The following TSGA10 variants were observed in gnomAD, a reference collection of about 807,000 sequenced individuals.
TSGA10 encodes testis-specific gene 10 protein.
Under a neutral mutation model 96.6 loss-of-function variants are expected in TSGA10, and 43 were observed. The observed-to-expected ratio is 0.44, with a 90% CI of 0.35 to 0.57. The LOEUF is 0.57. Among genes scored for constraint, TSGA10 ranks in the 20% least tolerant of loss-of-function variants. The probability of loss-of-function intolerance (pLI) is 0.01; values close to 1 mark genes in which losing one functional copy is unlikely to be tolerated. For synonymous variants in TSGA10, 229 were observed against 269.9 expected (o/e 0.85, Z 1.48); for missense variants, 703 against 834.4 (o/e 0.84, Z 1.94).
chr2:99,004,474 C>T (rs2078279931), intron 20 of TSGA10, among the ~76,000 whole-genome samples: 1 of 151,714 alleles, frequency 6.6e-6, no homozygotes, highest in Non-Finnish European at 1.5e-5. Context: ...CCACCGATCT[C>T]ACAGAAATAC....
chr2:99,089,807 G>A (rs934091713), intron 10 of TSGA10, among the ~76,000 whole-genome samples: 8 of 152,082 alleles, frequency 5.3e-5, no homozygotes, highest in African/African-American at 1.9e-4. Flanking sequence ...CCCCACCTGA[G>A]GGTCTTCCTC....
At chr2:99,102,678 A>G (rs1276710247) in intron 10 of TSGA10, 10 of 1,613,742 alleles carry the variant, frequency 6.2e-6, no homozygotes, top group Non-Finnish European at 8.5e-6. Context: ...GTTCAGAAAT[A>G]AGGTTAGTCA....
chr2:99,074,953 CAA>C (rs747521749), intron 12 of TSGA10, among the ~76,000 whole-genome samples: 6 of 110,952 alleles, frequency 5.4e-5, no homozygotes, highest in Admixed American at 9.4e-5. Context: ...GACTCCGTCT[CAA>C]AAAAAAAAAA....
chr2:99,071,593 G>T, intron 14 of TSGA10, 113 bp downstream of exon 14: 1 of 956,010 alleles, frequency 1.0e-6, no homozygotes, highest in South Asian at 2.1e-5. Context: ...TTAAAAAAAA[G>T]AAAAGGCTAG....
chr2:99,044,581 GTGGGAGATTTTA>G (rs2082546260), intron 16 of TSGA10, among the ~76,000 whole-genome samples: 1 of 152,032 alleles, frequency 6.6e-6, no homozygotes, highest in African/African-American at 2.4e-5. Flanking sequence ...CACAATAATA[GTGGGAGATTTTA>G]ACACCCCAAT....
intron 16 of TSGA10, among the ~76,000 whole-genome samples, chr2:99,054,872 T>C (rs2083796807): frequency 6.6e-6 from 1 of 152,180 alleles, no homozygotes; most frequent in Non-Finnish European, 1.5e-5. Flanking sequence ...GGTGAGGATA[T>C]GGAGAAAAGG....
At chr2:99,111,150 T>C (rs559802397) in intron 4 of TSGA10, among the ~76,000 whole-genome samples, 1 of 152,278 alleles carries the variant, frequency 6.6e-6, no homozygotes, top group South Asian at 2.1e-4. Context: ...TGTTAATTGA[T>C]TGTATTTTAC....
At chr2:99,074,491 G>C (rs924021239) in intron 12 of TSGA10, among the ~76,000 whole-genome samples, 1 of 138,880 alleles carries the variant, frequency 7.2e-6, no homozygotes, top group African/African-American at 3.1e-5. Flanking sequence ...ATACTGGTGT[G>C]TTGTTAAAAT....
chr2:99,050,330 A>G (rs979712106), intron 16 of TSGA10, among the ~76,000 whole-genome samples: 13 of 152,222 alleles, frequency 8.5e-5, no homozygotes, highest in Non-Finnish European at 1.9e-4. Context: ...CTTCTTGAGC[A>G]CTGACATGAC....
At chr2:99,121,578 C>G (rs1307471865) in intron 2 of TSGA10, among the ~76,000 whole-genome samples, 1 of 121,154 alleles carries the variant, frequency 8.3e-6, no homozygotes, top group Non-Finnish European at 1.8e-5. Flanking sequence ...TTCAAGTGAT[C>G]CTCCCACCTC....
chr2:99,013,072 G>T (rs868656135), intron 20 of TSGA10, among the ~76,000 whole-genome samples: 1 of 151,920 alleles, frequency 6.6e-6, no homozygotes, highest in South Asian at 2.1e-4. Context: ...CTGGGTTTAG[G>T]TTTGGTTTGT....
chr2:99,056,153 C>G (rs778616095), intron 16 of TSGA10, among the ~76,000 whole-genome samples: 8 of 151,392 alleles, frequency 5.3e-5, no homozygotes, highest in Non-Finnish European at 7.4e-5. Context: ...TGCAGTGAGC[C>G]GAGATCACGC....
chr2:99,017,044 A>G (rs973218427), intron 20 of TSGA10, among the ~76,000 whole-genome samples: 4 of 152,220 alleles, frequency 2.6e-5, no homozygotes, highest in Non-Finnish European at 5.9e-5. Flanking sequence ...GTTTTCATTT[A>G]CACTGCTGGT....
At chr2:99,001,703 G>A (rs1025439486) in intron 20 of TSGA10, among the ~76,000 whole-genome samples, 28 of 152,162 alleles carry the variant, frequency 1.8e-4, no homozygotes, top group Admixed American at 1.6e-3. Context: ...AAAGGAGGAC[G>A]TTTGAACCCA....
At chr2:99,039,569 T>A (rs2082000088) in intron 16 of TSGA10, among the ~76,000 whole-genome samples, 1 of 151,578 alleles carries the variant, frequency 6.6e-6, no homozygotes, top group Admixed American at 6.6e-5. Flanking sequence ...TATACAACCC[T>A]TCTAGATTAC....
intron 16 of TSGA10, among the ~76,000 whole-genome samples, chr2:99,052,987 G>A (rs984023664): frequency 7.9e-5 from 12 of 151,504 alleles, no homozygotes; most frequent in Middle Eastern, 6.9e-3. Context: ...GTTTGAGCCC[G>A]AGAGACAGAT....
rs375412885 is a variant in TSGA10, at chr2:99,022,971, T to C, written c.1615-2489A>G. Among the ~76,000 whole-genome samples the C allele has an allele frequency of 2.6e-4, 39 of 152,350 alleles. No individual in the cohort carries two copies. The South Asian group carries it at 6.8e-3, about 27-fold the overall frequency. On this transcript the variant is annotated intron_variant, in intron 17 of 20. Coordinates refer to ENST00000393483, the MANE Select transcript of TSGA10 (RefSeq NM_025244.4). ...GTTTATTGGCCATTTATGTATCTTATGTAGAGAAATGTCTATTAATATCCT... is the reference window on the plus strand; with the variant it reads ...GTTTATTGGCCATTTATGTATCTTACGTAGAGAAATGTCTATTAATATCCT...
intron 17 of TSGA10, among the ~76,000 whole-genome samples, chr2:99,027,536 T>G (rs1218303050): frequency 3.3e-5 from 5 of 152,306 alleles, no homozygotes; most frequent in African/African-American, 1.2e-4. Context: ...GAATAAAATT[T>G]TAATGATATC....
At chr2:99,144,026 T>TC (rs397748865) in intron 1 of TSGA10, among the ~76,000 whole-genome samples, 7 of 151,546 alleles carry the variant, frequency 4.6e-5, no homozygotes, top group Non-Finnish European at 1.5e-5. Flanking sequence ...TCCTTTTTTT[T>TC]GTTTGTTTTT....
Sources: gnomAD v4.1 joint callset for allele counts (sites outside exome capture counted in the v4.1 genomes callset) on GRCh38, gnomAD v4.1.1 for gene constraint, MANE v1.5 for transcripts, NCBI Gene and HGNC (gene_info 2026-07-23, HGNC 2026-07-21) for gene names.